PCYT1A: variants seen among roughly 807,000 people sequenced by gnomAD.
PCYT1A encodes phosphate cytidylyltransferase 1A, choline.
In PCYT1A, 25 loss-of-function variants were observed where a neutral mutation model predicts 43.7. The observed-to-expected ratio is 0.57, with a 90% CI of 0.42 to 0.80. The LOEUF (loss-of-function observed/expected upper bound fraction) is 0.80. PCYT1A is among the 30% of genes least tolerant of loss of function. PCYT1A has a pLI of 0.00. For synonymous variants in PCYT1A, 172 were observed against 170.7 expected (o/e 1.01, Z -0.06); for missense variants, 421 against 474.2 (o/e 0.89, Z 1.04).
At position 196,259,755 on chromosome 3, in the gene PCYT1A, G is replaced by C. The variant is rs1725051810; in HGVS notation, c.118-1868C>G. ...AGTTACTTGGGAAGCTGAGGTGGGAGGACTGCTTGAGCCAGGGAGGCAGGG... is the reference window on the plus strand; with the variant it reads ...AGTTACTTGGGAAGCTGAGGTGGGACGACTGCTTGAGCCAGGGAGGCAGGG... On this transcript the variant is annotated intron_variant, in intron 2 of 8. Transcript: ENST00000431016. Among the ~76,000 whole-genome samples, 8 of 151,016 alleles carry C rather than the reference G, an allele frequency of 5.3e-5. 1 individual carries two copies. The highest frequency in any genetic ancestry group is 5.3e-4 in the Admixed American group (8 of 15,142).
In PCYT1A at chr3:196,247,211, C is replaced by CTGT. The variant is rs1323566031; in HGVS notation, c.486+153_486+155dup. On this transcript the variant is annotated intron_variant, in intron 5 of 8. Coordinates refer to ENST00000431016, the MANE Select transcript of PCYT1A (RefSeq NM_001312673.2). This position sits in a 1 kb window ranked among gnomAD's most constrained non-coding sequence, Gnocchi z 4.8. Reference sequence around the variant, plus strand: ...AGCCCCATATAAACGTCAGGGGTGACTGTTATCACTAGTAATATCACTGTC... The same window carrying CTGT: ...AGCCCCATATAAACGTCAGGGGTGACTGTTGTTATCACTAGTAATATCACTGTC... 1.3e-5 allele frequency among the ~76,000 whole-genome samples: 2 copies of CTGT among 152,196 alleles called. No homozygotes were observed. The highest frequency in any genetic ancestry group is 6.6e-5 in the Admixed American group (1 of 15,266).
In PCYT1A at chr3:196,238,415, C is replaced by T. The variant is rs909408989; in HGVS notation, c.*273G>A. ...AATGACAATTTCCCTGTTGAGATCA[C>T]GTGAACATAAACAGTGAAACAAAGC... On this transcript the variant is annotated 3_prime_UTR_variant, in exon 9 of 9. Coordinates refer to ENST00000431016, the MANE Select transcript of PCYT1A (RefSeq NM_001312673.2). The T allele has an allele frequency of 4.8e-5, 15 of 310,882 alleles. No individual in the cohort carries two copies. Among genetic ancestry groups the T allele is most frequent in the Middle Eastern group, 1.7e-3 (2 of 1,170 alleles). The allele number at this position is 310,882 out of a possible 1,614,324, so 19.3% of individuals were successfully genotyped here.
intron 3 of PCYT1A, among the ~76,000 whole-genome samples, chr3:196,255,206 C>A (rs1299338454): frequency 6.6e-6 from 1 of 152,170 alleles, no homozygotes; most frequent in Non-Finnish European, 1.5e-5. Flanking sequence ...AACCAGAGTT[C>A]AAATTAAGCT....
intron 5 of PCYT1A, among the ~76,000 whole-genome samples, chr3:196,245,016 G>C (rs936487411): frequency 6.6e-6 from 1 of 152,108 alleles, no homozygotes. Flanking sequence ...TTTATCTGCT[G>C]ACCTTCCGTC....
intron 2 of PCYT1A, among the ~76,000 whole-genome samples, chr3:196,264,348 T>G (rs1468028533): frequency 6.6e-6 from 1 of 152,154 alleles, no homozygotes; most frequent in African/African-American, 2.4e-5. Context: ...CTTGGCCTCC[T>G]GAAGGGCTGC....
chr3:196,238,828 T>C lies in PCYT1A; in HGVS notation c.964A>G (p.Ser322Gly), dbSNP rs1166285887. 1.3e-6 allele frequency: 2 copies of C among 1,566,914 alleles called. No homozygotes were observed. Among genetic ancestry groups the C allele is most frequent in the African/African-American group, 1.4e-5 (1 of 72,616 alleles). Residue 322 changes from serine (S) to glycine (G), a missense_variant, in exon 9 of 9, where the codon AGC becomes GGC. Around this residue, in one of 3 missense-constraint regions of PCYT1A, gnomAD observed 108 missense variants for 85.7 expected, o/e 1.26. Transcript: ENST00000431016. ...GGGGAGCGCTCGCGAGTAGGGCTGCTGCTGGGGCTCTGCTTCGGGCTGATG... is the reference window on the plus strand; with the variant it reads ...GGGGAGCGCTCGCGAGTAGGGCTGCCGCTGGGGCTCTGCTTCGGGCTGATG... ...QAISPKQSPS[S>G]SPTRERSPSP...
chr3:196,271,173 T>C (rs1351262185), intron 1 of PCYT1A, among the ~76,000 whole-genome samples: 2 of 149,468 alleles, frequency 1.3e-5, no homozygotes, highest in African/African-American at 2.5e-5. Flanking sequence ...TACAGGCACA[T>C]GCCACCACAC....
Position 196,247,267 on chromosome 3 carries a change from A to C in PCYT1A, c.486+100T>G. The stretch of plus-strand genomic sequence containing the variant: ...CTACGAAACTTACATAAGAGGTAGA[A>C]GTAAAACACGGCTAGTGGAAAACCA... On this transcript the variant is annotated intron_variant, in intron 5 of 8. Transcript: ENST00000431016. The surrounding 1 kb of genome is among the most constrained non-coding windows in gnomAD (Gnocchi z 4.8). 3 of 1,214,652 alleles carry C rather than the reference A, an allele frequency of 2.5e-6. No individual in the cohort carries two copies. The South Asian group carries it at 4.0e-5, about 16-fold the overall frequency. The allele number at this position is 1,214,652 out of a possible 1,614,324, so 75.2% of individuals were successfully genotyped here. A position where few individuals can be genotyped will look rare whatever the true frequency, so the allele number is the denominator to read the frequency against.
In PCYT1A at chr3:196,235,512, A is replaced by C. The variant is rs1724133902; in HGVS notation, c.*3176T>G. On this transcript the variant is annotated 3_prime_UTR_variant, in exon 9 of 9. Transcript: ENST00000431016. This position sits in a 1 kb window ranked among gnomAD's most constrained non-coding sequence, Gnocchi z 4.3. ...TATCAGCAATAGCTGCAAGAGCACA[A>C]ATGATCCCTTCCTAGTCCTCTAAAG... The C allele has an allele frequency of 6.6e-6, 1 of 152,262 alleles. No individual in the cohort carries two copies. The highest frequency in any genetic ancestry group is 2.4e-5 in the African/African-American group (1 of 41,464). The allele number at this position is 152,262 out of a possible 1,614,324, so 9.4% of individuals were successfully genotyped here.
intron 7 of PCYT1A, chr3:196,241,621 G>C (rs762484127): frequency 1.3e-5 from 17 of 1,327,174 alleles, no homozygotes; most frequent in African/African-American, 4.4e-5. Flanking sequence ...CCTTTCGCAG[G>C]TTCCCAAGAC....
At position 196,270,466 on chromosome 3, in the gene PCYT1A, G is replaced by C; in HGVS notation, c.66C>G (p.Asn22Lys). 1 of 1,614,076 alleles carries C rather than the reference G, an allele frequency of 6.2e-7. No homozygotes were observed. Among genetic ancestry groups the C allele is most frequent in the Non-Finnish European group, 8.5e-7 (1 of 1,179,956 alleles). The change falls in exon 2 of 9, where the codon AAC (asparagine) becomes AAG (lysine). Residue 22 changes from asparagine to lysine, a missense_variant. Physicochemically the swap from Asn to Lys is moderately conservative, Grantham distance 94. Coordinates refer to ENST00000431016, the MANE Select transcript of PCYT1A (RefSeq NM_001312673.2). ...RKRRKEAPGP[N>K]GATEEDGVPS... ...GAACCCCATCTTCTTCTGTTGCCCCGTTGGGTCCGGGCGCCTCTTTTCTCC... is the reference window on the plus strand; with the variant it reads ...GAACCCCATCTTCTTCTGTTGCCCCCTTGGGTCCGGGCGCCTCTTTTCTCC...
At position 196,242,314 on chromosome 3, in the gene PCYT1A, AG is replaced by A. The variant is rs1362174337; in HGVS notation, c.566-225del. 6 of 648,758 alleles carry A rather than the reference AG, an allele frequency of 9.2e-6. No individual in the cohort carries two copies. Among genetic ancestry groups the A allele is most frequent in the African/African-American group, 3.6e-5 (2 of 55,094 alleles). The allele number at this position is 648,758 out of a possible 1,614,324, so 40.2% of individuals were successfully genotyped here. Reference sequence around the variant, plus strand: ...TAGCCCTAATATTAAGAAAAATATGAGAAAGGGTTTCCTGAAATTAAGAGAG... The same window carrying A: ...TAGCCCTAATATTAAGAAAAATATGAAAAGGGTTTCCTGAAATTAAGAGAG... On this transcript the variant is annotated intron_variant, in intron 6 of 8. Coordinates refer to ENST00000431016, the MANE Select transcript of PCYT1A (RefSeq NM_001312673.2). This position sits in a 1 kb window ranked among gnomAD's most constrained non-coding sequence, Gnocchi z 4.2.
At chr3:196,261,738 C>T (rs1188991928) in intron 2 of PCYT1A, among the ~76,000 whole-genome samples, 2 of 150,758 alleles carry the variant, frequency 1.3e-5, no homozygotes, top group African/African-American at 2.4e-5. Context: ...TGCAGTGAGC[C>T]GAGATCACGC....
rs924016786 is a variant in PCYT1A, at chr3:196,238,362, A to G, written c.*326T>C. ...GGCAAAAAATTAGTTCTACATTTGA[A>G]AGACGAATTTTTTAAAAAATTAATG... On this transcript the variant is annotated 3_prime_UTR_variant, in exon 9 of 9. Transcript: ENST00000431016. 3 of 190,592 alleles carry G rather than the reference A, an allele frequency of 1.6e-5. No homozygotes were observed. Among genetic ancestry groups the G allele is most frequent in the Non-Finnish European group, 2.1e-5 (2 of 93,700 alleles). The allele number at this position is 190,592 out of a possible 1,614,324, so 11.8% of individuals were successfully genotyped here.
chr3:196,236,736 T>A lies in PCYT1A; in HGVS notation c.*1952A>T, dbSNP rs1176798110. On this transcript the variant is annotated 3_prime_UTR_variant, in exon 9 of 9. Coordinates refer to ENST00000431016, the MANE Select transcript of PCYT1A (RefSeq NM_001312673.2). Reference sequence around the variant, plus strand: ...GGCTGGACTGCAGCGGCACCATCTCTGCTCACTGCAACCTCCGCCTCCTGG... The same window carrying A: ...GGCTGGACTGCAGCGGCACCATCTCAGCTCACTGCAACCTCCGCCTCCTGG... 6.6e-6 allele frequency: 1 copy of A among 152,174 alleles called. No homozygotes were observed. The highest frequency in any genetic ancestry group is 6.5e-5 in the Admixed American group (1 of 15,272). The allele number at this position is 152,174 out of a possible 1,614,324, so 9.4% of individuals were successfully genotyped here.
intron 1 of PCYT1A, among the ~76,000 whole-genome samples, chr3:196,275,873 G>A (rs528409175): frequency 6.6e-5 from 10 of 151,846 alleles, no homozygotes; most frequent in Admixed American, 1.3e-4. Flanking sequence ...CAAGGCAGGC[G>A]GATCACAAGG....
At chr3:196,264,359 G>A (rs745482747) in intron 2 of PCYT1A, among the ~76,000 whole-genome samples, 5 of 152,256 alleles carry the variant, frequency 3.3e-5, no homozygotes, top group Non-Finnish European at 2.9e-5. Flanking sequence ...GAAGGGCTGC[G>A]ATTACAGGCG....
Position 196,248,246 on chromosome 3 carries a change from C to T in PCYT1A, c.295G>A (p.Ala99Thr), listed in dbSNP as rs587777191. Residue 99 changes from alanine to threonine, a missense_variant, in exon 4 of 9, where the codon GCG (alanine) becomes ACG (threonine). Ala to Thr is a moderately conservative substitution (Grantham distance 58, BLOSUM62 0). This residue lies in a region of PCYT1A where 174 missense variants were observed against 270.7 expected (regional missense o/e 0.64). Coordinates refer to ENST00000431016, the MANE Select transcript of PCYT1A (RefSeq NM_001312673.2). ...TACGTATTAGGGAAAAGGTTCTTCG[C>T]TTGCATCAGAGCTCGGGCGTGACCA... is the stretch of plus-strand genomic sequence containing the variant. ...HSGHARALMQ[A>T]KNLFPNTYLI... 14 of 1,613,112 alleles carry T rather than the reference C, an allele frequency of 8.7e-6. No individual in the cohort carries two copies. Among genetic ancestry groups the T allele is most frequent in the Non-Finnish European group, 1.2e-5 (14 of 1,179,014 alleles).
intron 5 of PCYT1A, among the ~76,000 whole-genome samples, chr3:196,245,089 A>AAAATAAATAAAT (rs1396284714): frequency 1.4e-4 from 5 of 35,642 alleles, no homozygotes; most frequent in Admixed American, 3.0e-4. Context: ...ATGATCAATA[A>AAAATAAATAAAT]AAATACATAA....
Sources: allele counts gnomAD v4.1 joint callset (sites outside exome capture counted in the v4.1 genomes callset), GRCh38; gene constraint gnomAD v4.1.1; regional missense constraint gnomAD v4.1.1; non-coding constraint Gnocchi (gnomAD v3.1); transcripts MANE v1.5; gene names NCBI Gene and HGNC (gene_info 2026-07-23, HGNC 2026-07-21).